C1D: variants seen among roughly 807,000 people sequenced by gnomAD.
C1D encodes C1D nuclear receptor corepressor.
C1D carries 10 observed loss-of-function variants against 17.5 expected under a neutral mutation model. The ratio of observed to expected loss-of-function variants is 0.57; its 90% CI spans 0.35 to 0.97. The LOEUF (loss-of-function observed/expected upper bound fraction) is 0.97, where lower values mean the gene tolerates loss of function less well. Among genes scored for constraint, C1D ranks in the 50% least tolerant of loss-of-function variants. C1D has a pLI of 0.01. For missense variants in C1D, 136 were observed against 160.1 expected, an observed-to-expected ratio of 0.85 and a Z score of 0.81; for synonymous variants, 49 against 54.0, an observed-to-expected ratio of 0.91 and a Z score of 0.40.
rs371060575 is a variant in C1D at position 68,053,086 on chromosome 2, G to C, written c.-9-5767C>G. 8.5e-5 allele frequency: 132 copies of C among 1,550,702 alleles called. No homozygotes were observed. In the African/African-American group the frequency reaches 1.5e-3, roughly 18 times the overall value. On this transcript the variant is annotated intron_variant, in intron 1 of 4. Coordinates refer to ENST00000410067, the MANE Select transcript of C1D (RefSeq NM_173177.3). ...CCAGCTCTGCTCCTCACCCTCCTCCGGGGTTCTATAGGTACTCCTTGCCCT... is the reference window on the plus strand; with the variant it reads ...CCAGCTCTGCTCCTCACCCTCCTCCCGGGTTCTATAGGTACTCCTTGCCCT...
intron 1 of C1D, among the ~76,000 whole-genome samples, chr2:68,059,698 A>G (rs1671563990): frequency 1.3e-5 from 2 of 152,216 alleles, no homozygotes; most frequent in Non-Finnish European, 2.9e-5. Flanking sequence ...TGTAAATTCT[A>G]CAACACCAGA....
chr2:68,047,750 G>A (rs1442430904), intron 1 of C1D, among the ~76,000 whole-genome samples: 1 of 152,066 alleles, frequency 6.6e-6, no homozygotes, highest in Non-Finnish European at 1.5e-5. Flanking sequence ...TATTTTTACA[G>A]AACTTTTACA....
chr2:68,060,371 G>A (rs1197595636), intron 1 of C1D, among the ~76,000 whole-genome samples: 1 of 152,216 alleles, frequency 6.6e-6, no homozygotes, highest in Non-Finnish European at 1.5e-5. Context: ...GCTGGGCGCA[G>A]TGACTGACGC....
chr2:68,048,105 T>C (rs1671183828), intron 1 of C1D, among the ~76,000 whole-genome samples: 1 of 152,084 alleles, frequency 6.6e-6, no homozygotes, highest in Non-Finnish European at 1.5e-5. Context: ...ATAAAGCCCA[T>C]AAGCAGAAAA....
At chr2:68,043,109 T>C (rs1671017527) in intron 4 of C1D, 56 bp from the exon 5 acceptor site, 2 of 1,319,454 alleles carry the variant, frequency 1.5e-6, no homozygotes, top group Admixed American at 2.2e-5. Flanking sequence ...CACCACTGAA[T>C]TTTATTATAC....
intron 1 of C1D, among the ~76,000 whole-genome samples, chr2:68,056,120 G>A (rs971769098): frequency 6.6e-6 from 1 of 152,114 alleles, no homozygotes; most frequent in Non-Finnish European, 1.5e-5. Context: ...TTTATTTCAA[G>A]AGTATCACAA....
In C1D at chr2:68,046,335, C is replaced by T; in HGVS notation, c.205+9G>A. ...TGCTTTCTAATTAATTCCAAAGTAACACACATACCCCAAAACATTGAATTT... is the reference window on the plus strand; with the variant it reads ...TGCTTTCTAATTAATTCCAAAGTAATACACATACCCCAAAACATTGAATTT... On this transcript the variant is annotated intron_variant, in intron 3 of 4. Transcript: ENST00000410067. 6.2e-7 allele frequency: 1 copy of T among 1,600,406 alleles called. No homozygotes were observed. Among genetic ancestry groups the T allele is most frequent in the African/African-American group, 1.3e-5 (1 of 74,612 alleles).
chr2:68,052,957 C>T (rs1671331800), intron 1 of C1D: 1 of 1,426,072 alleles, frequency 7.0e-7, no homozygotes, highest in Non-Finnish European at 9.4e-7. Flanking sequence ...TCCACATGCA[C>T]TTGTTCATCT....
At chr2:68,047,919 T>C (rs1180584804) in intron 1 of C1D, among the ~76,000 whole-genome samples, 4 of 152,210 alleles carry the variant, frequency 2.6e-5, no homozygotes. Context: ...AAAACATGTA[T>C]TTTAGTCCTT....
At chr2:68,058,671 C>A (rs903488062) in intron 1 of C1D, among the ~76,000 whole-genome samples, 2 of 152,134 alleles carry the variant, frequency 1.3e-5, no homozygotes, top group Non-Finnish European at 2.9e-5. Flanking sequence ...TGGACAAAAT[C>A]TTTAATACAA....
chr2:68,045,064 T>C (rs1169518349), intron 4 of C1D, among the ~76,000 whole-genome samples: 2 of 152,196 alleles, frequency 1.3e-5, no homozygotes, highest in African/African-American at 4.8e-5. Context: ...AAAATAAATT[T>C]ATTTTCCCCC....
At chr2:68,053,100 A>C (rs1156456172) in intron 1 of C1D, 4 of 1,550,750 alleles carry the variant, frequency 2.6e-6, no homozygotes, top group Non-Finnish European at 3.5e-6. Context: ...TTCTATAGGT[A>C]CTCCTTGCCC....
chr2:68,044,536 G>A (rs974598537), intron 4 of C1D, among the ~76,000 whole-genome samples: 114 of 151,810 alleles, frequency 7.5e-4, no homozygotes, highest in Non-Finnish European at 1.4e-3. Flanking sequence ...GTGAAACCCC[G>A]TCTCTACTGA....
At chr2:68,061,952 A>T (rs1307876108) in intron 1 of C1D, among the ~76,000 whole-genome samples, 1 of 152,238 alleles carries the variant, frequency 6.6e-6, no homozygotes, top group Non-Finnish European at 1.5e-5. Flanking sequence ...CAACAAAACA[A>T]TGAGTTCTAT....
intron 1 of C1D, chr2:68,053,332 C>CATA (rs1425009988): frequency 2.2e-5 from 21 of 933,826 alleles, no homozygotes; most frequent in Non-Finnish European, 2.9e-5. Context: ...AACAAGAGTG[C>CATA]ATAGCATCAC....
intron 1 of C1D, among the ~76,000 whole-genome samples, chr2:68,052,049 A>C (rs151010151): frequency 6.6e-4 from 101 of 152,260 alleles, no homozygotes; most frequent in Non-Finnish European, 5.6e-4. Context: ...GGAAACAGTT[A>C]AATGAATTAC....
At chr2:68,045,899 T>C (rs7562930) in intron 4 of C1D, 89 bp downstream of exon 4, 36 of 873,824 alleles carry the variant, frequency 4.1e-5, no homozygotes, top group Admixed American at 9.2e-5. Flanking sequence ...TCGAATTCTG[T>C]TCTCCCTAAT....
At chr2:68,055,786 GC>G (rs1266472666) in intron 1 of C1D, among the ~76,000 whole-genome samples, 1 of 152,066 alleles carries the variant, frequency 6.6e-6, no homozygotes, top group Non-Finnish European at 1.5e-5. Context: ...AAAAAAAGTA[GC>G]CTCCACAAAT....
chr2:68,062,121 T>C (rs912459315), intron 1 of C1D, among the ~76,000 whole-genome samples: 3 of 152,242 alleles, frequency 2.0e-5, no homozygotes, highest in African/African-American at 7.2e-5. Context: ...TTCCATGTGA[T>C]TCTTACATAT....
Sources: gnomAD v4.1 joint callset for allele counts (sites outside exome capture counted in the v4.1 genomes callset) on GRCh38, gnomAD v4.1.1 for gene constraint, MANE v1.5 for transcripts, NCBI Gene and HGNC (gene_info 2026-07-23, HGNC 2026-07-21) for gene names.